Variants in ADAMTS10 observed in about 807,000 individuals in gnomAD.
ADAMTS10 encodes the protein A disintegrin and metalloproteinase with thrombospondin motifs 10.
ADAMTS10 carries 48 observed loss-of-function variants against 135.9 expected under a neutral mutation model. That is an observed-to-expected ratio of 0.35 (90% CI 0.28 to 0.45). ADAMTS10 has a LOEUF of 0.45. Among genes scored for constraint, ADAMTS10 ranks in the 20% least tolerant of loss-of-function variants. The probability of loss-of-function intolerance (pLI) is 1.00; values close to 1 mark genes in which losing one functional copy is unlikely to be tolerated. For missense variants in ADAMTS10, 1,131 were observed against 1,565.2 expected (o/e 0.72, Z 4.68); for synonymous variants, 621 against 647.5 (o/e 0.96, Z 0.62).
In ADAMTS10 at chr19:8,591,845, C is replaced by G; in HGVS notation, c.1752G>C (p.Lys584Asn). The change falls in exon 15 of 26, where the codon AAG (lysine) becomes AAC (asparagine). Residue 584 changes from lysine to asparagine, a missense_variant. Lys to Asn is a moderately conservative substitution (Grantham distance 94, BLOSUM62 0). This residue lies in a region of ADAMTS10 where 745 missense variants were observed against 1,056.3 expected (regional missense o/e 0.71). Coordinates refer to ENST00000597188, the MANE Select transcript of ADAMTS10 (RefSeq NM_030957.4). Reference sequence around the variant, plus strand: ...GCCGCCTTCTCTCACCCAGACAGTACTTGCCCCCGATGGTTGGCCTGGAAA... The same window carrying G: ...GCCGCCTTCTCTCACCCAGACAGTAGTTGCCCCCGATGGTTGGCCTGGAAA... ...CDSPRPTIGG[K>N]YCLGERRRHR... 1 of 1,613,752 alleles carries G rather than the reference C, an allele frequency of 6.2e-7. No homozygotes were observed. Among genetic ancestry groups the G allele is most frequent in the Middle Eastern group, 1.6e-4 (1 of 6,062 alleles).
chr19:8,591,599 G>A (rs921681460), intron 15 of ADAMTS10, among the ~76,000 whole-genome samples: 3 of 151,820 alleles, frequency 2.0e-5, no homozygotes, highest in African/African-American at 7.3e-5. Flanking sequence ...CTGCCACCAC[G>A]CCCAGCTAAT....
rs376206684 is a variant in ADAMTS10, at chr19:8,592,856, C to T, written c.1494G>A (p.Glu498=). Residue 498 remains glutamate (E), a synonymous_variant, in exon 13 of 26, where the codon GAG becomes GAA. Transcript: ENST00000597188. ...RQCKYGEVCS[E]LWCLSKSNRC... ...GGTTGCTCTTGCTCAGACACCACAGCTCGCTGCAGACCTCCTGCGGGCCGA... is the reference window on the plus strand; with the variant it reads ...GGTTGCTCTTGCTCAGACACCACAGTTCGCTGCAGACCTCCTGCGGGCCGA... 2.1e-5 allele frequency: 34 copies of T among 1,612,008 alleles called. No individual in the cohort carries two copies. The highest frequency in any genetic ancestry group is 2.7e-5 in the Non-Finnish European group (32 of 1,179,846).
intron 6 of ADAMTS10, among the ~76,000 whole-genome samples, chr19:8,600,450 C>CTCTCTTTCTTTCTTT (rs1268898793): frequency 6.7e-6 from 1 of 148,746 alleles, no homozygotes; most frequent in Non-Finnish European, 1.5e-5. Context: ...CTTCCTTCCT[C>CTCTCTTTCTTTCTTT]TCTCTTTCTT....
At chr19:8,593,322 T>G in intron 12 of ADAMTS10, 1 of 170,510 alleles carries the variant, frequency 5.9e-6, no homozygotes, top group Non-Finnish European at 1.3e-5. Flanking sequence ...TGGGGTTCTT[T>G]TATGGGATGG....
At chr19:8,592,722 C>T (rs1568399334) in intron 13 of ADAMTS10, 41 bp downstream of exon 13, 4 of 1,576,610 alleles carry the variant, frequency 2.5e-6, no homozygotes, top group Admixed American at 1.8e-5. Context: ...GGAGGTGGCT[C>T]AGGGGGCGTG....
chr19:8,605,387 G>T lies in ADAMTS10; in HGVS notation c.89-29C>A. On this transcript the variant is annotated intron_variant, in intron 3 of 25. Transcript: ENST00000597188. This position sits in a 1 kb window ranked among gnomAD's most constrained non-coding sequence, Gnocchi z 7.7. Reference sequence around the variant, plus strand: ...TGGGTGAGGGTCAGAGGCCTGGGGTGGGCCCTGGTCTTATTGGACCCCTGT... The same window carrying T: ...TGGGTGAGGGTCAGAGGCCTGGGGTTGGCCCTGGTCTTATTGGACCCCTGT... 6.4e-7 allele frequency: 1 copy of T among 1,563,782 alleles called. No individual in the cohort carries two copies. Among genetic ancestry groups the T allele is most frequent in the East Asian group, 2.4e-5 (1 of 42,380 alleles).
chr19:8,603,613 G>A (rs2042689321), intron 5 of ADAMTS10, 115 bp downstream of exon 5: 7 of 1,464,188 alleles, frequency 4.8e-6, no homozygotes, highest in Non-Finnish European at 1.9e-6. Context: ...CTTCTCAGCA[G>A]CTCCATTCTT....
chr19:8,587,457 A>C (rs1555737612), intron 18 of ADAMTS10, among the ~76,000 whole-genome samples: 1 of 120,222 alleles, frequency 8.3e-6, no homozygotes, highest in African/African-American at 3.2e-5. Context: ...GAGCACCGGT[A>C]TGAGCCTGGC....
Position 8,585,119 on chromosome 19 carries a change from C to T in ADAMTS10, c.3042+13G>A. 6.9e-7 allele frequency: 1 copy of T among 1,450,884 alleles called. No individual in the cohort carries two copies. The highest frequency in any genetic ancestry group is 9.0e-7 in the Non-Finnish European group (1 of 1,107,222). The allele number at this position is 1,450,884 out of a possible 1,614,324, so 89.9% of individuals were successfully genotyped here. A position where few individuals can be genotyped will look rare whatever the true frequency, so the allele number is the denominator to read the frequency against. On this transcript the variant is annotated intron_variant, in intron 24 of 25. Coordinates refer to ENST00000597188, the MANE Select transcript of ADAMTS10 (RefSeq NM_030957.4). ...TGCCCTGGCCCCCACCCCTCTGGGG[C>T]GCGCCCTCCTACCTCACCCCACTCG...
intron 5 of ADAMTS10, among the ~76,000 whole-genome samples, chr19:8,603,300 A>C (rs1555741844): frequency 2.6e-5 from 4 of 152,042 alleles, no homozygotes; most frequent in Non-Finnish European, 5.9e-5. Context: ...TTTGAGACGG[A>C]GTCTTGCTGT....
chr19:8,592,183 C>A, intron 13 of ADAMTS10, 80 bp from the exon 14 acceptor site: 1 of 1,601,718 alleles, frequency 6.2e-7, no homozygotes, highest in Non-Finnish European at 8.5e-7. Flanking sequence ...CCACTCCAGG[C>A]CCCAGCCAGA....
Position 8,596,022 on chromosome 19 carries a change from GC to G in ADAMTS10, c.1337+50del. 1 of 1,613,858 alleles carries G rather than the reference GC, an allele frequency of 6.2e-7. No individual in the cohort carries two copies. Among genetic ancestry groups the G allele is most frequent in the Non-Finnish European group, 8.5e-7 (1 of 1,179,860 alleles). Reference sequence around the variant, plus strand: ...ATTTCTATCGTCTCCCGTGTACCCTGCCCCACCATGAGTGTGACCCGCTCTG... The same window carrying G: ...ATTTCTATCGTCTCCCGTGTACCCTGCCCACCATGAGTGTGACCCGCTCTG... On this transcript the variant is annotated intron_variant, in intron 11 of 25. Coordinates refer to ENST00000597188, the MANE Select transcript of ADAMTS10 (RefSeq NM_030957.4). The surrounding 1 kb of genome is among the most constrained non-coding windows in gnomAD (Gnocchi z 7.2).
chr19:8,608,617 C>T (rs539194779), intron 1 of ADAMTS10, among the ~76,000 whole-genome samples: 2 of 151,780 alleles, frequency 1.3e-5, no homozygotes, highest in South Asian at 4.2e-4. Context: ...CTGGCTCCCT[C>T]CCTCCTCTCC....
At chr19:8,588,464 G>A (rs1207180967) in intron 18 of ADAMTS10, among the ~76,000 whole-genome samples, 1 of 151,934 alleles carries the variant, frequency 6.6e-6, no homozygotes, top group East Asian at 1.9e-4. Context: ...CTCACACTCT[G>A]CAACCTACTC....
Position 8,605,532 on chromosome 19 carries a change from C to T in ADAMTS10, c.88+91G>A. Reference sequence around the variant, plus strand: ...AGGGCCTTCCCCCATTGACCCCCATCCCAGCCCCCTGATGCCTCTTTCTGT... The same window carrying T: ...AGGGCCTTCCCCCATTGACCCCCATTCCAGCCCCCTGATGCCTCTTTCTGT... On this transcript the variant is annotated intron_variant, in intron 3 of 25. Coordinates refer to ENST00000597188, the MANE Select transcript of ADAMTS10 (RefSeq NM_030957.4). This position sits in a 1 kb window ranked among gnomAD's most constrained non-coding sequence, Gnocchi z 7.7. The T allele has an allele frequency of 9.0e-6, 13 of 1,438,446 alleles. No individual in the cohort carries two copies. Among genetic ancestry groups the T allele is most frequent in the Non-Finnish European group, 1.2e-5 (13 of 1,049,894 alleles). The allele number at this position is 1,438,446 out of a possible 1,614,324, so 89.1% of individuals were successfully genotyped here.
At chr19:8,584,005 A>C (rs1435438795) in intron 25 of ADAMTS10, among the ~76,000 whole-genome samples, 1 of 151,336 alleles carries the variant, frequency 6.6e-6, no homozygotes, top group African/African-American at 2.4e-5. Flanking sequence ...AAAAATACAA[A>C]AATTAGCTGG....
At chr19:8,585,724 G>A in intron 22 of ADAMTS10, 64 bp from the exon 23 acceptor site, 4 of 1,505,092 alleles carry the variant, frequency 2.7e-6, no homozygotes, top group South Asian at 1.2e-5. Context: ...AACAGCAGGG[G>A]GCACTATAGC....
At chr19:8,589,114 C>T in intron 18 of ADAMTS10, 128 bp downstream of exon 18, 1 of 1,494,918 alleles carries the variant, frequency 6.7e-7, no homozygotes, top group South Asian at 1.2e-5. Context: ...CTTTTGGGGA[C>T]TCCTGACACT....
Position 8,601,055 on chromosome 19 carries a change from T to G in ADAMTS10, c.683A>C (p.Gln228Pro). The G allele has an allele frequency of 1.2e-6, 2 of 1,614,170 alleles. No individual in the cohort carries two copies. The highest frequency in any genetic ancestry group is 1.7e-6 in the Non-Finnish European group (2 of 1,180,040). ...RPLGNETERG[Q>P]PGLKRSVSRE... Reference sequence around the variant, plus strand: ...GCTGACCGATCGCTTCAGGCCTGGCTGGCCACGCTCTGTTTCATTCCCCAG... The same window carrying G: ...GCTGACCGATCGCTTCAGGCCTGGCGGGCCACGCTCTGTTTCATTCCCCAG... The change falls in exon 6 of 26, where the codon CAG (glutamine) becomes CCG (proline). Residue 228 changes from glutamine to proline, a missense_variant. This residue lies in a region of ADAMTS10 where 306 missense variants were observed against 344.4 expected (regional missense o/e 0.89). Coordinates refer to ENST00000597188, the MANE Select transcript of ADAMTS10 (RefSeq NM_030957.4). This position sits in a 1 kb window ranked among gnomAD's most constrained non-coding sequence, Gnocchi z 4.6.
Sources: allele counts gnomAD v4.1 joint callset (sites outside exome capture counted in the v4.1 genomes callset), GRCh38; gene constraint gnomAD v4.1.1; regional missense constraint gnomAD v4.1.1; non-coding constraint Gnocchi (gnomAD v3.1); transcripts MANE v1.5; gene names NCBI Gene and HGNC (gene_info 2026-07-23, HGNC 2026-07-21).